CPQ: variants seen among roughly 807,000 people sequenced by gnomAD.
CPQ encodes the protein carboxypeptidase Q.
A neutral mutation model predicts 45.7 loss-of-function variants in CPQ; 37 were observed. The ratio of observed to expected loss-of-function variants is 0.81; its 90% CI spans 0.62 to 1.07. CPQ has a LOEUF of 1.07. CPQ is among the 50% of genes least tolerant of loss of function. The pLI is 0.00. For synonymous variants in CPQ, 186 were observed against 205.8 expected, an observed-to-expected ratio of 0.90 and a Z score of 0.82; for missense variants, 537 against 572.9, an observed-to-expected ratio of 0.94 and a Z score of 0.64.
At chr8:97,090,993 A>T (rs1811115764) in intron 7 of CPQ, among the ~76,000 whole-genome samples, 1 of 152,208 alleles carries the variant, frequency 6.6e-6, no homozygotes, top group Non-Finnish European at 1.5e-5. Context: ...AATTGGGTTT[A>T]TCATTCATTG....
chr8:96,906,264 T>C (rs1388784538), intron 4 of CPQ, among the ~76,000 whole-genome samples: 1 of 152,180 alleles, frequency 6.6e-6, no homozygotes, highest in Non-Finnish European at 1.5e-5. Flanking sequence ...TTCCCTCATG[T>C]AATGTGGATA....
intron 2 of CPQ, among the ~76,000 whole-genome samples, chr8:96,807,028 A>T (rs1302543943): frequency 1.3e-5 from 2 of 152,204 alleles, no homozygotes; most frequent in African/African-American, 4.8e-5. Context: ...ATTAAGTTTT[A>T]AGGAGACTGA....
chr8:97,044,521 T>C (rs1453983669), intron 6 of CPQ, among the ~76,000 whole-genome samples: 6 of 152,252 alleles, frequency 3.9e-5, no homozygotes, highest in Admixed American at 3.9e-4. Context: ...GTTCCGTTGC[T>C]GGTGAGGAAC....
chr8:96,828,842 G>T lies in CPQ; in HGVS notation c.434-6131G>T, dbSNP rs116521768. On this transcript the variant is annotated intron_variant, in intron 2 of 7. Coordinates refer to ENST00000220763, the MANE Select transcript of CPQ (RefSeq NM_016134.4). ...GTTTTAGAGTATAAATGTTCCCTGT[G>T]ATAATTACTATAAGAAATCAAGATA... Among the ~76,000 whole-genome samples the T allele has an allele frequency of 5.1e-3, 778 of 152,196 alleles. 4 individuals are homozygous for T. The highest frequency in any genetic ancestry group is 0.015 in the African/African-American group (621 of 41,542).
At chr8:96,795,304 C>T (rs956714618) in intron 2 of CPQ, among the ~76,000 whole-genome samples, 1 of 152,236 alleles carries the variant, frequency 6.6e-6, no homozygotes, top group African/African-American at 2.4e-5. Flanking sequence ...GAAATTCCCC[C>T]TTTTAAAACG....
At position 97,083,233 on chromosome 8, in the gene CPQ, G is replaced by A. The variant is rs112713983; in HGVS notation, c.1255+17023G>A. ...AAATAAGTGGTTTTCCAAGGGGGGT[G>A]AATAATTTTATATTTAAAGCATTAT... is the stretch of plus-strand genomic sequence containing the variant. On this transcript the variant is annotated intron_variant, in intron 7 of 7. Coordinates refer to ENST00000220763, the MANE Select transcript of CPQ (RefSeq NM_016134.4). Among the ~76,000 whole-genome samples, 781 of 152,266 alleles carry A rather than the reference G, an allele frequency of 5.1e-3. 8 individuals carry two copies. The highest frequency in any genetic ancestry group is 0.018 in the African/African-American group (754 of 41,552).
intron 1 of CPQ, among the ~76,000 whole-genome samples, chr8:96,739,030 C>T (rs992263323): frequency 1.3e-4 from 19 of 151,434 alleles, no homozygotes; most frequent in Admixed American, 6.6e-4. Flanking sequence ...CCTGAGGAAT[C>T]GCCACACTGA....
chr8:96,745,303 A>G (rs891085746), intron 1 of CPQ, among the ~76,000 whole-genome samples: 4 of 151,920 alleles, frequency 2.6e-5, no homozygotes, highest in Admixed American at 6.6e-5. Context: ...GCAAGACTCC[A>G]TCTCAAAAAA....
At chr8:96,733,898 C>T (rs985920936) in intron 1 of CPQ, among the ~76,000 whole-genome samples, 4 of 152,058 alleles carry the variant, frequency 2.6e-5, no homozygotes, top group African/African-American at 9.7e-5. Context: ...GCTGTGAACC[C>T]GTACTTAGTT....
chr8:96,981,187 AAC>A (rs1813890147), intron 5 of CPQ, among the ~76,000 whole-genome samples: 2 of 152,228 alleles, frequency 1.3e-5, no homozygotes, highest in Admixed American at 6.5e-5. Context: ...ATATAGTCAC[AAC>A]ACCACAATTT....
At chr8:97,024,311 C>T (rs948581079) in intron 5 of CPQ, among the ~76,000 whole-genome samples, 16 of 152,046 alleles carry the variant, frequency 1.1e-4, no homozygotes, top group African/African-American at 3.6e-4. Flanking sequence ...AGGCCCTGGG[C>T]TCCTTTTTCC....
intron 1 of CPQ, among the ~76,000 whole-genome samples, chr8:96,763,303 A>T (rs1810428435): frequency 6.6e-6 from 1 of 152,120 alleles, no homozygotes; most frequent in Non-Finnish European, 1.5e-5. Context: ...TTTTTTTCCC[A>T]TATGGATATT....
At chr8:97,128,688 AAAAC>A (rs937141003) in intron 7 of CPQ, among the ~76,000 whole-genome samples, 21 of 152,306 alleles carry the variant, frequency 1.4e-4, no homozygotes, top group Admixed American at 4.6e-4. Flanking sequence ...CTGTCTCAAA[AAAAC>A]AAACAAACAA....
chr8:97,045,517 A>T (rs556516763), intron 6 of CPQ, among the ~76,000 whole-genome samples: 1 of 152,120 alleles, frequency 6.6e-6, no homozygotes, highest in South Asian at 2.1e-4. Context: ...ACTGTCTGGC[A>T]CTCCCTAGTG....
At chr8:96,847,249 C>T (rs564839160) in intron 3 of CPQ, among the ~76,000 whole-genome samples, 2 of 152,304 alleles carry the variant, frequency 1.3e-5, no homozygotes, top group South Asian at 4.1e-4. Context: ...CAAAATTTCA[C>T]CCAGTGAGAT....
intron 5 of CPQ, among the ~76,000 whole-genome samples, chr8:97,015,426 A>G: frequency 6.6e-6 from 1 of 152,164 alleles, no homozygotes; most frequent in East Asian, 1.9e-4. Flanking sequence ...TTAAAAAAAA[A>G]AACAAATTCA....
chr8:96,925,026 T>C (rs1436640581), intron 4 of CPQ, among the ~76,000 whole-genome samples: 1 of 152,350 alleles, frequency 6.6e-6, no homozygotes, highest in African/African-American at 2.4e-5. Flanking sequence ...GAAATATTTA[T>C]TGAATGAGTG....
intron 4 of CPQ, among the ~76,000 whole-genome samples, chr8:96,951,422 G>T (rs563795010): frequency 1.3e-5 from 2 of 152,116 alleles, no homozygotes; most frequent in Admixed American, 1.3e-4. Context: ...CTTAAAATTC[G>T]CTATCACCAG....
chr8:96,654,790 A>G (rs1291822384), intron 1 of CPQ, among the ~76,000 whole-genome samples: 4 of 152,228 alleles, frequency 2.6e-5, no homozygotes, highest in Non-Finnish European at 5.9e-5. Flanking sequence ...TTTTTCCATC[A>G]AGGCTTGGAG....
Sources: gnomAD v4.1 joint callset for allele counts (sites outside exome capture counted in the v4.1 genomes callset) on GRCh38, gnomAD v4.1.1 for gene constraint, MANE v1.5 for transcripts, NCBI Gene and HGNC (gene_info 2026-07-23, HGNC 2026-07-21) for gene names.